MYO3B: variants seen among roughly 807,000 people sequenced by gnomAD.
MYO3B encodes myosin IIIB.
In MYO3B, 156 loss-of-function variants were observed where a neutral mutation model predicts 174.6. The observed-to-expected ratio is 0.89, with a 90% CI of 0.78 to 1.02. MYO3B has a LOEUF of 1.02. Ranked by LOEUF, MYO3B falls within the 50% of genes least tolerant of loss-of-function variation. The probability of loss-of-function intolerance (pLI) is 0.00; values close to 1 mark genes in which losing one functional copy is unlikely to be tolerated. For missense variants in MYO3B, 1,632 were observed against 1,639.4 expected (o/e 1.00, Z 0.08); for synonymous variants, 563 against 569.1 (o/e 0.99, Z 0.15).
chr2:170,629,415 C>T (rs1397706158), intron 32 of MYO3B, among the ~76,000 whole-genome samples: 2 of 152,156 alleles, frequency 1.3e-5, no homozygotes, highest in African/African-American at 4.8e-5. Context: ...TGGCCAGAAG[C>T]TTCATGAGGG....
rs1305860470 is a variant in MYO3B at position 170,214,362 on chromosome 2, G to A, written c.322-17G>A. On this transcript the variant is annotated splice_polypyrimidine_tract_variant and intron_variant, in intron 3 of 34. Coordinates refer to ENST00000408978, the MANE Select transcript of MYO3B (RefSeq NM_138995.5). The stretch of plus-strand genomic sequence containing the variant: ...GTGGTCTCCTGCTCTCCCTGTGTCT[G>A]GCACCTCTTCTTGCAGCTGTGTAAT... 6.2e-7 allele frequency: 1 copy of A among 1,606,868 alleles called. No homozygotes were observed. Among genetic ancestry groups the A allele is most frequent in the East Asian group, 2.2e-5 (1 of 44,828 alleles).
intron 23 of MYO3B, among the ~76,000 whole-genome samples, chr2:170,444,765 A>T (rs1483812402): frequency 6.6e-6 from 1 of 152,240 alleles, no homozygotes; most frequent in Non-Finnish European, 1.5e-5. Context: ...GTGGGAACTC[A>T]AATCATTTTT....
chr2:170,548,276 C>T (rs1690669269), intron 32 of MYO3B, among the ~76,000 whole-genome samples: 1 of 151,980 alleles, frequency 6.6e-6, no homozygotes, highest in Admixed American at 6.6e-5. Flanking sequence ...GAGTAGAAGT[C>T]CCTGTATTGG....
chr2:170,394,454 A>G (rs2094432930), intron 16 of MYO3B, among the ~76,000 whole-genome samples: 1 of 152,222 alleles, frequency 6.6e-6, no homozygotes, highest in Non-Finnish European at 1.5e-5. Flanking sequence ...AGAATTAAGT[A>G]TGTTAAGTAT....
intron 12 of MYO3B, among the ~76,000 whole-genome samples, chr2:170,384,202 G>A (rs1382477331): frequency 6.6e-6 from 1 of 152,140 alleles, no homozygotes; most frequent in Non-Finnish European, 1.5e-5. Flanking sequence ...GAATTTTCAT[G>A]ATTCAGTCTT....
At chr2:170,262,515 CTGTAACAAGCT>C (rs1190901821) in intron 7 of MYO3B, among the ~76,000 whole-genome samples, 2 of 152,102 alleles carry the variant, frequency 1.3e-5, no homozygotes, top group African/African-American at 4.8e-5. Context: ...TGTGAGGAGC[CTGTAACAAGCT>C]TGTAACAAGC....
At chr2:170,257,308 A>G (rs891815920) in intron 7 of MYO3B, among the ~76,000 whole-genome samples, 10 of 152,116 alleles carry the variant, frequency 6.6e-5, no homozygotes, top group African/African-American at 2.4e-4. Context: ...TCCATACAGA[A>G]CATACTCTGA....
In MYO3B at chr2:170,294,793, G is replaced by A. The variant is rs553162756; in HGVS notation, c.750-40592G>A. 2.6e-5 allele frequency among the ~76,000 whole-genome samples: 4 copies of A among 152,222 alleles called. No individual in the cohort carries two copies. The South Asian group carries it at 8.3e-4, about 32-fold the overall frequency. On this transcript the variant is annotated intron_variant, in intron 7 of 34. Coordinates refer to ENST00000408978, the MANE Select transcript of MYO3B (RefSeq NM_138995.5). ...AACTTTAAGATAAACTATGGACTTT[G>A]AGTGATAGTGATGTGTCAATGTAGG...
At chr2:170,398,431 A>G (rs1413341175) in intron 16 of MYO3B, among the ~76,000 whole-genome samples, 1 of 152,112 alleles carries the variant, frequency 6.6e-6, no homozygotes, top group African/African-American at 2.4e-5. Flanking sequence ...TTATATTCAC[A>G]TGATTGGTTA....
intron 21 of MYO3B, among the ~76,000 whole-genome samples, chr2:170,406,728 T>C (rs911109940): frequency 3.3e-5 from 5 of 152,172 alleles, no homozygotes; most frequent in African/African-American, 1.2e-4. Flanking sequence ...GGAAAAACTT[T>C]TTTTATTTTT....
intron 30 of MYO3B, among the ~76,000 whole-genome samples, chr2:170,536,012 C>T (rs979428635): frequency 6.6e-6 from 1 of 152,198 alleles, no homozygotes; most frequent in Non-Finnish European, 1.5e-5. Flanking sequence ...TCCAATAAAG[C>T]AAGCATTCTC....
chr2:170,518,963 A>G (rs183150881), intron 29 of MYO3B, among the ~76,000 whole-genome samples: 172 of 152,328 alleles, frequency 1.1e-3, no homozygotes, highest in African/African-American at 3.9e-3. Context: ...CCTCAATCAA[A>G]ATGTGGAAAT....
At chr2:170,395,422 C>A (rs1330259247) in intron 16 of MYO3B, among the ~76,000 whole-genome samples, 1 of 152,128 alleles carries the variant, frequency 6.6e-6, no homozygotes, top group African/African-American at 2.4e-5. Flanking sequence ...CAAGATTGGA[C>A]GTACACTATA....
At chr2:170,651,586 A>C in intron 32 of MYO3B, 42 bp from the exon 33 acceptor site, 1 of 1,556,674 alleles carries the variant, frequency 6.4e-7, no homozygotes, top group Non-Finnish European at 8.9e-7. Flanking sequence ...AATTTTCCCA[A>C]CACCTCGGAC....
At chr2:170,456,410 A>G (rs1238530618) in intron 23 of MYO3B, among the ~76,000 whole-genome samples, 1 of 152,200 alleles carries the variant, frequency 6.6e-6, no homozygotes, top group Non-Finnish European at 1.5e-5. Context: ...AATGAATTTC[A>G]GAGAACAGCT....
At chr2:170,607,119 A>G (rs1023903894) in intron 32 of MYO3B, among the ~76,000 whole-genome samples, 1 of 152,250 alleles carries the variant, frequency 6.6e-6, no homozygotes, top group African/African-American at 2.4e-5. Flanking sequence ...ATTCATGAGT[A>G]GAAACTTATA....
intron 7 of MYO3B, among the ~76,000 whole-genome samples, chr2:170,252,889 TA>T (rs1389475267): frequency 6.6e-6 from 1 of 152,004 alleles, no homozygotes; most frequent in Non-Finnish European, 1.5e-5. Flanking sequence ...ATTTTAGGAA[TA>T]GCAAGGAGAC....
At chr2:170,551,238 A>C (rs1225253151) in intron 32 of MYO3B, among the ~76,000 whole-genome samples, 3 of 151,854 alleles carry the variant, frequency 2.0e-5, no homozygotes, top group Non-Finnish European at 4.4e-5. Context: ...CAGATTATAA[A>C]CTATGCTACT....
chr2:170,438,517 A>G (rs993790666), intron 22 of MYO3B, among the ~76,000 whole-genome samples: 5 of 152,206 alleles, frequency 3.3e-5, no homozygotes, highest in Non-Finnish European at 5.9e-5. Flanking sequence ...TACATTTTCC[A>G]TAGCAGCTGC....
Sources: gnomAD v4.1 joint callset for allele counts (sites outside exome capture counted in the v4.1 genomes callset) on GRCh38, gnomAD v4.1.1 for gene constraint, MANE v1.5 for transcripts, NCBI Gene and HGNC (gene_info 2026-07-23, HGNC 2026-07-21) for gene names.